BAIAP2L1: variants seen among roughly 807,000 people sequenced by gnomAD.
BAIAP2L1 encodes BAR/IMD domain-containing adapter protein 2-like 1.
Under a neutral mutation model 66.3 loss-of-function variants are expected in BAIAP2L1, and 35 were observed. The observed-to-expected ratio is 0.53, with a 90% CI of 0.40 to 0.70. The LOEUF (loss-of-function observed/expected upper bound fraction) is 0.70, where lower values mean the gene tolerates loss of function less well. Ranked by LOEUF, BAIAP2L1 falls within the 30% of genes least tolerant of loss-of-function variation. The pLI is 0.00. For synonymous variants in BAIAP2L1, 269 were observed against 248.7 expected (o/e 1.08, Z -0.77); for missense variants, 622 against 656.9 (o/e 0.95, Z 0.58).
At chr7:98,397,693 C>CTACT (rs1803248747) in intron 1 of BAIAP2L1, among the ~76,000 whole-genome samples, 2 of 152,068 alleles carry the variant, frequency 1.3e-5, no homozygotes, top group Non-Finnish European at 2.9e-5. Flanking sequence ...TTTTTTTGAA[C>CTACT]TACTTCTTCT....
At chr7:98,340,750 C>T (rs1021917179) in intron 3 of BAIAP2L1, among the ~76,000 whole-genome samples, 1 of 149,778 alleles carries the variant, frequency 6.7e-6, no homozygotes, top group African/African-American at 2.5e-5. Flanking sequence ...TACACCAATG[C>T]GCCTACACGA....
chr7:98,369,638 G>A (rs1221944186), intron 1 of BAIAP2L1, among the ~76,000 whole-genome samples: 2 of 150,810 alleles, frequency 1.3e-5, no homozygotes, highest in African/African-American at 4.9e-5. Flanking sequence ...AATACAATAG[G>A]AGGAAAGTCT....
chr7:98,315,982 G>C (rs1013520879), intron 6 of BAIAP2L1, among the ~76,000 whole-genome samples: 1 of 152,184 alleles, frequency 6.6e-6, no homozygotes, highest in Admixed American at 6.5e-5. Context: ...ATATGCTTTG[G>C]CTGTGTCCCC....
rs532923466 is a variant in BAIAP2L1, at chr7:98,394,236, G to C, written c.51+6566C>G. Reference sequence around the variant, plus strand: ...CCAGCCTGGGCGACAGGGAGACTCCGTCTCAAAAACAAACAAACAAACAAA... The same window carrying C: ...CCAGCCTGGGCGACAGGGAGACTCCCTCTCAAAAACAAACAAACAAACAAA... On this transcript the variant is annotated intron_variant, in intron 1 of 13. Coordinates refer to ENST00000005260, the MANE Select transcript of BAIAP2L1 (RefSeq NM_018842.5). Among the ~76,000 whole-genome samples, 7 of 59,076 alleles carry C rather than the reference G, an allele frequency of 1.2e-4. No individual in the cohort carries two copies. In the Admixed American group the frequency reaches 1.3e-3, roughly 11 times the overall value. 38.8% of individuals were successfully genotyped at this position (59,076 alleles called of 152,430 possible).
intron 3 of BAIAP2L1, among the ~76,000 whole-genome samples, chr7:98,334,192 G>A (rs562048713): frequency 6.6e-6 from 1 of 152,228 alleles, no homozygotes; most frequent in African/African-American, 2.4e-5. Context: ...ATCTTAGTAG[G>A]TAACAAATTT....
chr7:98,323,592 C>T (rs561395645), intron 3 of BAIAP2L1, among the ~76,000 whole-genome samples: 1 of 152,344 alleles, frequency 6.6e-6, no homozygotes, highest in South Asian at 2.1e-4. Context: ...TGGACGCCAA[C>T]ACCGTTGAAC....
intron 1 of BAIAP2L1, chr7:98,386,014 C>G: frequency 7.2e-7 from 1 of 1,383,908 alleles, no homozygotes; most frequent in Non-Finnish European, 1.0e-6. Flanking sequence ...TTTTCCAATG[C>G]TGTCTGGAAT....
intron 1 of BAIAP2L1, chr7:98,400,459 AGGGGCAGG>A: frequency 3.6e-6 from 1 of 274,502 alleles, no homozygotes; most frequent in Non-Finnish European, 6.4e-6. Context: ...GACAGTGTCG[AGGGGCAGG>A]GGAGGAGGGA....
intron 1 of BAIAP2L1, among the ~76,000 whole-genome samples, chr7:98,383,141 C>T (rs1455442912): frequency 6.6e-6 from 1 of 151,330 alleles, no homozygotes; most frequent in Non-Finnish European, 1.5e-5. Flanking sequence ...CCAGCCTGGG[C>T]AAGAGACCAA....
chr7:98,368,053 C>G (rs1802428130), intron 1 of BAIAP2L1, among the ~76,000 whole-genome samples: 2 of 152,200 alleles, frequency 1.3e-5, no homozygotes, highest in African/African-American at 2.4e-5. Context: ...TCATGCCCTC[C>G]TCCTCACCAA....
intron 2 of BAIAP2L1, among the ~76,000 whole-genome samples, chr7:98,355,652 C>T (rs1802103175): frequency 6.6e-6 from 1 of 152,010 alleles, no homozygotes. Flanking sequence ...TCGCTTGAGC[C>T]CAGGAGGCGG....
Position 98,388,181 on chromosome 7 carries a change from C to T in BAIAP2L1, c.51+12621G>A, listed in dbSNP as rs757916896. ...TTCTAAGAGCTTTCATGTATGACTGCGTTTAATCTTCACAGCAACCCTAGG... is the reference window on the plus strand; with the variant it reads ...TTCTAAGAGCTTTCATGTATGACTGTGTTTAATCTTCACAGCAACCCTAGG... On this transcript the variant is annotated intron_variant, in intron 1 of 13. Coordinates refer to ENST00000005260, the MANE Select transcript of BAIAP2L1 (RefSeq NM_018842.5). Among the ~76,000 whole-genome samples the T allele has an allele frequency of 6.4e-4, 98 of 152,244 alleles. 1 individual carries two copies. Among genetic ancestry groups the T allele is most frequent in the Admixed American group, 1.4e-3 (21 of 15,280 alleles).
chr7:98,360,797 C>A (rs1340564257), intron 2 of BAIAP2L1, among the ~76,000 whole-genome samples: 2 of 152,186 alleles, frequency 1.3e-5, no homozygotes, highest in Non-Finnish European at 2.9e-5. Flanking sequence ...GGGGCACTTG[C>A]AGAAGTCACG....
intron 1 of BAIAP2L1, among the ~76,000 whole-genome samples, chr7:98,364,017 TC>T (rs1040949121): frequency 1.2e-4 from 15 of 124,766 alleles, no homozygotes; most frequent in African/African-American, 3.7e-4. Flanking sequence ...TTTTGAATAT[TC>T]TTTTTTTTTT....
chr7:98,305,270 G>A (rs1437732789), intron 11 of BAIAP2L1, among the ~76,000 whole-genome samples: 1 of 150,914 alleles, frequency 6.6e-6, no homozygotes, highest in East Asian at 1.9e-4. Context: ...TTTAATCTAA[G>A]GAAAGAAATT....
At chr7:98,327,683 A>AT (rs577297005) in intron 3 of BAIAP2L1, among the ~76,000 whole-genome samples, 63 of 152,272 alleles carry the variant, frequency 4.1e-4, no homozygotes, top group Non-Finnish European at 7.1e-4. Context: ...CAAAAAAAAA[A>AT]GAAAAGTGAA....
intron 3 of BAIAP2L1, among the ~76,000 whole-genome samples, chr7:98,342,585 T>C (rs1392684612): frequency 6.6e-6 from 1 of 152,190 alleles, no homozygotes; most frequent in Non-Finnish European, 1.5e-5. Context: ...TGATTCAAAA[T>C]GCAATGGCTG....
chr7:98,360,015 C>T (rs898671873), intron 2 of BAIAP2L1, among the ~76,000 whole-genome samples: 11 of 151,760 alleles, frequency 7.2e-5, no homozygotes, highest in Non-Finnish European at 5.9e-5. Context: ...CTCTGCCTCC[C>T]GGGTTCAAGT....
chr7:98,336,340 G>A (rs1801616391), intron 3 of BAIAP2L1, among the ~76,000 whole-genome samples: 1 of 152,162 alleles, frequency 6.6e-6, no homozygotes, highest in African/African-American at 2.4e-5. Flanking sequence ...TAGGCCAGGC[G>A]TGGTGACTCA....
Sources: gnomAD v4.1 joint callset for allele counts (sites outside exome capture counted in the v4.1 genomes callset) on GRCh38, gnomAD v4.1.1 for gene constraint, MANE v1.5 for transcripts, NCBI Gene and HGNC (gene_info 2026-07-23, HGNC 2026-07-21) for gene names.